KAZN: variants seen among roughly 807,000 people sequenced by gnomAD.
KAZN encodes kazrin, periplakin interacting protein.
A neutral mutation model predicts 87.4 loss-of-function variants in KAZN; 40 were observed. The ratio of observed to expected loss-of-function variants is 0.46; its 90% confidence interval spans 0.36 to 0.60. The LOEUF (loss-of-function observed/expected upper bound fraction) is 0.60. KAZN is among the 20% of genes least tolerant of loss of function. KAZN has a pLI of 0.00. For synonymous variants in KAZN, 466 were observed against 458.3 expected (o/e 1.02, Z -0.22); for missense variants, 898 against 1,073.9 (o/e 0.84, Z 2.29).
At chr1:14,000,071 A>C (rs1639710871) in intron 1 of KAZN, among the ~76,000 whole-genome samples, 1 of 152,214 alleles carries the variant, frequency 6.6e-6, no homozygotes, top group Non-Finnish European at 1.5e-5. Context: ...TACAAACAAC[A>C]AAAAAAGTCC....
chr1:15,110,293 G>C (rs1408732481), intron 13 of KAZN, among the ~76,000 whole-genome samples: 1 of 151,476 alleles, frequency 6.6e-6, no homozygotes, highest in African/African-American at 2.4e-5. Context: ...TTGTGTGTGT[G>C]TATATGTATG....
intron 2 of KAZN, among the ~76,000 whole-genome samples, chr1:14,382,883 G>A (rs1661499904): frequency 1.3e-5 from 2 of 152,028 alleles, no homozygotes; most frequent in South Asian, 4.2e-4. Flanking sequence ...AGATCCCTGA[G>A]AAATCGCCAC....
rs1215988055 is a variant in KAZN, at chr1:14,352,799, C to T, written c.249+172207C>T. Among the ~76,000 whole-genome samples, 5 of 152,102 alleles carry T rather than the reference C, an allele frequency of 3.3e-5. No homozygotes were observed. The East Asian group carries it at 9.6e-4, about 29-fold the overall frequency. ...ACAAGATAAGAAAATTACATACCAA[C>T]ATATTAAAAAGGATAATACATCATG... On this transcript the variant is annotated intron_variant, in intron 2 of 16. Transcript: ENST00000636203.
chr1:14,821,654 G>A (rs1355555780), intron 1 of KAZN, among the ~76,000 whole-genome samples: 1 of 152,138 alleles, frequency 6.6e-6, no homozygotes, highest in Non-Finnish European at 1.5e-5. Flanking sequence ...GTCTCAGGGA[G>A]AAGACAGCCG....
intron 2 of KAZN, among the ~76,000 whole-genome samples, chr1:14,327,701 TTGA>T (rs1451701843): frequency 6.6e-6 from 1 of 152,230 alleles, no homozygotes; most frequent in African/African-American, 2.4e-5. Flanking sequence ...ATCTTTGCTA[TTGA>T]TGACCCTTTG....
In KAZN at chr1:14,947,351, G is replaced by A. The variant is rs149073178; in HGVS notation, c.227-13333G>A. Among the ~76,000 whole-genome samples the A allele has an allele frequency of 6.0e-4, 92 of 152,316 alleles. 1 individual carries two copies. The highest frequency in any genetic ancestry group is 2.0e-3 in the African/African-American group (84 of 41,572). ...GAGGATGTGGAGGGAAGCAGGCAGT[G>A]CCACCCGGGGCTTGCTGTCCCTCCC... On this transcript the variant is annotated intron_variant, in intron 1 of 14. Transcript: ENST00000376030.
intron 2 of KAZN, among the ~76,000 whole-genome samples, chr1:14,591,759 T>C (rs1055501953): frequency 2.6e-5 from 4 of 152,126 alleles, no homozygotes; most frequent in African/African-American, 4.8e-5. Context: ...CACTAATAAC[T>C]CTGCTGTGTG....
At chr1:14,910,703 C>G (rs1390558526) in intron 1 of KAZN, among the ~76,000 whole-genome samples, 1 of 152,114 alleles carries the variant, frequency 6.6e-6, no homozygotes, top group Non-Finnish European at 1.5e-5. Context: ...CAAGAGATCC[C>G]AGAAACAGTG....
chr1:14,898,655 G>C (rs1572766112), intron 1 of KAZN, among the ~76,000 whole-genome samples: 2 of 152,310 alleles, frequency 1.3e-5, no homozygotes, highest in South Asian at 4.1e-4. Context: ...CACACACACA[G>C]AGTAGGGTAA....
intron 1 of KAZN, among the ~76,000 whole-genome samples, chr1:14,658,305 T>C (rs1381968423): frequency 2.0e-5 from 3 of 152,212 alleles, no homozygotes; most frequent in African/African-American, 7.2e-5. Context: ...ATACAGATGA[T>C]ACAGAAATTG....
intron 8 of KAZN, among the ~76,000 whole-genome samples, chr1:15,092,072 G>GTT (rs1557791969): frequency 2.5e-4 from 20 of 79,860 alleles, no homozygotes; most frequent in African/African-American, 9.4e-4. Context: ...TTTTTTTTTT[G>GTT]ATTTTTTTTT....
chr1:14,467,886 C>A (rs918805250), intron 2 of KAZN, among the ~76,000 whole-genome samples: 1 of 152,094 alleles, frequency 6.6e-6, no homozygotes, highest in African/African-American at 2.4e-5. Flanking sequence ...ACTGTACCAG[C>A]AAACTTCCTG....
rs569715041 is a variant in KAZN, at chr1:14,560,542, C to A, written c.250-38441C>A. Among the ~76,000 whole-genome samples, 7 of 152,308 alleles carry A rather than the reference C, an allele frequency of 4.6e-5. No homozygotes were observed. The South Asian group carries it at 1.2e-3, about 27-fold the overall frequency. Reference sequence around the variant, plus strand: ...GCAGTGAGCCGAGATCGCGCCACTGCACTCCAGCCTGGGCGACAGAGCGAG... The same window carrying A: ...GCAGTGAGCCGAGATCGCGCCACTGAACTCCAGCCTGGGCGACAGAGCGAG... On this transcript the variant is annotated intron_variant, in intron 2 of 16. Transcript: ENST00000636203.
intron 1 of KAZN, among the ~76,000 whole-genome samples, chr1:14,629,319 A>G (rs1297305470): frequency 6.6e-6 from 1 of 152,176 alleles, no homozygotes; most frequent in African/African-American, 2.4e-5. Flanking sequence ...TTTTGTGAAC[A>G]TCAGTTTGCC....
At chr1:14,887,868 CTCT>C (rs1427136060) in intron 1 of KAZN, among the ~76,000 whole-genome samples, 8 of 151,244 alleles carry the variant, frequency 5.3e-5, no homozygotes, top group African/African-American at 1.7e-4. Context: ...TCATGCCCCC[CTCT>C]CTCTCTCGTT....
intron 10 of KAZN, among the ~76,000 whole-genome samples, chr1:15,097,766 C>T (rs1015067752): frequency 5.3e-5 from 8 of 152,006 alleles, no homozygotes; most frequent in African/African-American, 1.9e-4. Context: ...TGCAGTGAGC[C>T]GAGACTGCAT....
intron 1 of KAZN, among the ~76,000 whole-genome samples, chr1:13,971,486 G>T (rs2101050198): frequency 6.6e-6 from 1 of 152,240 alleles, no homozygotes; most frequent in South Asian, 2.1e-4. Context: ...TTTCAATGTA[G>T]GCCCGAATGT....
chr1:13,971,108 T>C (rs1419610363), intron 1 of KAZN, among the ~76,000 whole-genome samples: 1 of 152,168 alleles, frequency 6.6e-6, no homozygotes, highest in Non-Finnish European at 1.5e-5. Context: ...GGCTGGCTGG[T>C]GTCTACCTTA....
chr1:14,383,620 A>G (rs1571467047), intron 2 of KAZN, among the ~76,000 whole-genome samples: 1 of 152,054 alleles, frequency 6.6e-6, no homozygotes, highest in South Asian at 2.1e-4. Flanking sequence ...AAGATCAGAT[A>G]GTTGTAGATA....
Sources: gnomAD v4.1 joint callset for allele counts (sites outside exome capture counted in the v4.1 genomes callset) on GRCh38, gnomAD v4.1.1 for gene constraint, MANE v1.5 for transcripts, NCBI Gene and HGNC (gene_info 2026-07-23, HGNC 2026-07-21) for gene names.